DOCK3: variants seen among roughly 807,000 people sequenced by gnomAD.
The protein encoded by DOCK3 is dedicator of cytokinesis 3, also known as dedicator of cytokinesis protein 3.
In DOCK3, 60 loss-of-function variants were observed where a neutral mutation model predicts 265.6. The ratio of observed to expected loss-of-function variants is 0.23; its 90% confidence interval spans 0.18 to 0.28. The LOEUF (loss-of-function observed/expected upper bound fraction) is 0.28. Among genes scored for constraint, DOCK3 ranks in the 10% least tolerant of loss-of-function variants. The pLI is 1.00. For synonymous variants in DOCK3, 881 were observed against 938.0 expected (o/e 0.94, Z 1.11); for missense variants, 1,981 against 2,594.3 (o/e 0.76, Z 5.14).
intron 3 of DOCK3, chr3:50,877,708 T>TGGAGTGCA: frequency 5.6e-6 from 2 of 355,652 alleles, no homozygotes; most frequent in South Asian, 4.4e-5. Context: ...GGAGTCTCGC[T>TGGAGTGCA]GTGTCACCAG....
intron 5 of DOCK3, among the ~76,000 whole-genome samples, chr3:51,022,466 C>G (rs2079633037): frequency 6.6e-6 from 1 of 152,130 alleles, no homozygotes; most frequent in African/African-American, 2.4e-5. Flanking sequence ...AATATTGCTT[C>G]TGCTCCATTT....
chr3:51,123,808 A>G (rs1432040068), intron 9 of DOCK3, among the ~76,000 whole-genome samples: 1 of 152,186 alleles, frequency 6.6e-6, no homozygotes, highest in Non-Finnish European at 1.5e-5. Flanking sequence ...TCACACAGAC[A>G]GTCTAGGCAT....
At chr3:50,737,800 A>G (rs1275885845) in intron 1 of DOCK3, among the ~76,000 whole-genome samples, 1 of 152,036 alleles carries the variant, frequency 6.6e-6, no homozygotes, top group African/African-American at 2.4e-5. Context: ...TAGTTCATGT[A>G]TTATTTTCCT....
intron 32 of DOCK3, among the ~76,000 whole-genome samples, chr3:51,315,881 C>G (rs1044010582): frequency 3.3e-5 from 5 of 152,062 alleles, no homozygotes; most frequent in Non-Finnish European, 7.4e-5. Flanking sequence ...GGGAATTGTA[C>G]CAGTTCCCCA....
intron 5 of DOCK3, among the ~76,000 whole-genome samples, chr3:50,972,518 G>A (rs72939212): frequency 6.6e-6 from 1 of 152,374 alleles, no homozygotes; most frequent in African/African-American, 2.4e-5. Context: ...GGGAAAGCAT[G>A]CACTGTGGTC....
At position 50,934,097 on chromosome 3, in the gene DOCK3, T is replaced by C. The variant is rs757355342; in HGVS notation, c.315+20T>C. The C allele has an allele frequency of 2.0e-6, 3 of 1,536,438 alleles. No individual in the cohort carries two copies. Among genetic ancestry groups the C allele is most frequent in the East Asian group, 2.3e-5 (1 of 44,154 alleles). On this transcript the variant is annotated intron_variant, in intron 5 of 52. Transcript: ENST00000266037. ...TATGTGGTAAGTAGTTGATTACTGGTTTATTGGATCATTAAAGTTTAGTGT... is the reference window on the plus strand; with the variant it reads ...TATGTGGTAAGTAGTTGATTACTGGCTTATTGGATCATTAAAGTTTAGTGT...
chr3:51,220,665 AAAAAAATAT>A (rs1265158527), intron 14 of DOCK3, among the ~76,000 whole-genome samples: 1 of 101,774 alleles, frequency 9.8e-6, no homozygotes, highest in African/African-American at 3.9e-5. Flanking sequence ...TCAAAAAAAA[AAAAAAATAT>A]ATATATATAT....
intron 10 of DOCK3, among the ~76,000 whole-genome samples, chr3:51,153,400 G>A (rs562778539): frequency 6.6e-6 from 1 of 152,294 alleles, no homozygotes; most frequent in South Asian, 2.1e-4. Flanking sequence ...GATTTTCCAG[G>A]TACAGTCTGT....
chr3:51,199,958 C>T (rs2088607719), intron 12 of DOCK3, among the ~76,000 whole-genome samples: 1 of 152,212 alleles, frequency 6.6e-6, no homozygotes, highest in Non-Finnish European at 1.5e-5. Context: ...CTCCAACAGA[C>T]CTGCAGCTGA....
intron 5 of DOCK3, among the ~76,000 whole-genome samples, chr3:51,014,577 A>C (rs184898067): frequency 6.6e-6 from 1 of 152,168 alleles, no homozygotes; most frequent in African/African-American, 2.4e-5. Context: ...AATTATTGTT[A>C]TTAATGTGAT....
chr3:51,292,140 C>G (rs1254588367), intron 27 of DOCK3, among the ~76,000 whole-genome samples: 1 of 152,176 alleles, frequency 6.6e-6, no homozygotes, highest in African/African-American at 2.4e-5. Flanking sequence ...ACTTCACACT[C>G]AACAGTGAAA....
chr3:51,039,294 C>T (rs970253411), intron 5 of DOCK3, among the ~76,000 whole-genome samples: 1 of 152,144 alleles, frequency 6.6e-6, no homozygotes, highest in East Asian at 1.9e-4. Context: ...CCGTACCCAG[C>T]TTATTTTTTA....
At chr3:50,682,441 A>G (rs1012983610) in intron 1 of DOCK3, among the ~76,000 whole-genome samples, 1 of 152,168 alleles carries the variant, frequency 6.6e-6, no homozygotes, top group Non-Finnish European at 1.5e-5. Flanking sequence ...CCAGCCTGCC[A>G]AGACTTCTCT....
intron 9 of DOCK3, among the ~76,000 whole-genome samples, chr3:51,124,054 C>T (rs529570415): frequency 6.6e-6 from 1 of 152,272 alleles, no homozygotes; most frequent in Non-Finnish European, 1.5e-5. Context: ...TTTCCTCTTG[C>T]CATTTCTAAG....
chr3:50,886,278 C>T (rs73079190), intron 3 of DOCK3, among the ~76,000 whole-genome samples: 13,145 of 147,980 alleles, frequency 0.089, 773 homozygotes, highest in Non-Finnish European at 0.12. Flanking sequence ...ATTTCATCTT[C>T]CCAGAAGTGT....
intron 44 of DOCK3, among the ~76,000 whole-genome samples, 174 bp downstream of exon 44, chr3:51,357,315 A>C (rs1450456621): frequency 6.6e-6 from 1 of 152,186 alleles, no homozygotes; most frequent in Non-Finnish European, 1.5e-5. Context: ...TCTTTGGCAC[A>C]GTTTGGTAGG....
intron 5 of DOCK3, among the ~76,000 whole-genome samples, chr3:50,996,364 C>G (rs544950295): frequency 6.6e-6 from 1 of 152,012 alleles, no homozygotes; most frequent in African/African-American, 2.4e-5. Flanking sequence ...ACTACAGACG[C>G]CTACCACCAC....
intron 4 of DOCK3, among the ~76,000 whole-genome samples, chr3:50,922,771 A>AG (rs1042497737): frequency 6.4e-5 from 9 of 140,748 alleles, no homozygotes; most frequent in East Asian, 6.2e-4. Flanking sequence ...TTTTTTTTTA[A>AG]TTTTTTTCTC....
intron 1 of DOCK3, among the ~76,000 whole-genome samples, chr3:50,719,041 C>T (rs1428730325): frequency 6.6e-6 from 1 of 152,068 alleles, no homozygotes; most frequent in Non-Finnish European, 1.5e-5. Context: ...ACCTCAGCCT[C>T]CCAAAGTGCT....
Sources: gnomAD v4.1 joint callset for allele counts (sites outside exome capture counted in the v4.1 genomes callset) on GRCh38, gnomAD v4.1.1 for gene constraint, MANE v1.5 for transcripts, NCBI Gene and HGNC (gene_info 2026-07-23, HGNC 2026-07-21) for gene names.